Variants in RUNDC3B observed in about 807,000 individuals in gnomAD.
RUNDC3B encodes RUN domain-containing protein 3B.
In RUNDC3B, 33 loss-of-function variants were observed where a neutral mutation model predicts 58.4. The ratio of observed to expected loss-of-function variants is 0.56; its 90% CI spans 0.43 to 0.75. The LOEUF (loss-of-function observed/expected upper bound fraction) is 0.75. Ranked by LOEUF, RUNDC3B falls within the 30% of genes least tolerant of loss-of-function variation. The pLI, the probability that RUNDC3B is intolerant of heterozygous loss-of-function variation, is 0.00. For synonymous variants in RUNDC3B, 193 were observed against 195.2 expected (o/e 0.99, Z 0.10); for missense variants, 501 against 535.7 (o/e 0.94, Z 0.64).
chr7:87,805,337 C>A (rs1315190612), intron 8 of RUNDC3B, among the ~76,000 whole-genome samples: 1 of 152,174 alleles, frequency 6.6e-6, no homozygotes, highest in African/African-American at 2.4e-5. Flanking sequence ...TCTCCAGGAA[C>A]CTTTCCTCTT....
At chr7:87,750,407 C>A (rs1331948264) in intron 6 of RUNDC3B, among the ~76,000 whole-genome samples, 1 of 151,218 alleles carries the variant, frequency 6.6e-6, no homozygotes, top group African/African-American at 2.4e-5. Flanking sequence ...AATGGGATGG[C>A]TGGGTCAAAT....
chr7:87,628,917 G>C lies in RUNDC3B; in HGVS notation c.94G>C (p.Glu32Gln). ...CCTGAGCGCCCGCAATGCTGCGGTG[G>C]AGAGGAGGAACCTGATCACCGTGTG... The part of the protein sequence containing the change: ...KSLSARNAAV[E>Q]RRNLITVCRF... The change falls in exon 1 of 11, where the codon GAG becomes CAG. Residue 32 changes from glutamate to glutamine, a missense_variant. Transcript: ENST00000394654. 1 of 1,309,972 alleles carries C rather than the reference G, an allele frequency of 7.6e-7. No homozygotes were observed. The highest frequency in any genetic ancestry group is 3.3e-5 in the South Asian group (1 of 30,702). The allele number at this position is 1,309,972 out of a possible 1,614,324, so 81.1% of individuals were successfully genotyped here. A position where few individuals can be genotyped will look rare whatever the true frequency, so the allele number is the denominator to read the frequency against.
At chr7:87,774,025 A>G (rs531230148) in intron 7 of RUNDC3B, among the ~76,000 whole-genome samples, 6 of 152,234 alleles carry the variant, frequency 3.9e-5, no homozygotes, top group African/African-American at 1.4e-4. Flanking sequence ...GTCCACAAAT[A>G]CCAAAGAAAT....
chr7:87,779,359 A>G (rs891450015), intron 8 of RUNDC3B, among the ~76,000 whole-genome samples: 1 of 152,176 alleles, frequency 6.6e-6, no homozygotes, highest in Non-Finnish European at 1.5e-5. Context: ...AAAACTAGCT[A>G]GAATTCTTAT....
intron 2 of RUNDC3B, among the ~76,000 whole-genome samples, chr7:87,694,418 A>G (rs11983274): frequency 0.02 from 3,059 of 152,280 alleles, 112 homozygotes; most frequent in African/African-American, 0.07. Context: ...AGTTTCTGCT[A>G]TATGCAAAAC....
chr7:87,755,019 T>C (rs1833284921), intron 6 of RUNDC3B, among the ~76,000 whole-genome samples: 1 of 147,702 alleles, frequency 6.8e-6, no homozygotes, highest in Non-Finnish European at 1.5e-5. Flanking sequence ...GAATAGCTGA[T>C]ACAATTTCTT....
chr7:87,714,590 C>T (rs975290033), intron 4 of RUNDC3B, among the ~76,000 whole-genome samples: 2 of 152,048 alleles, frequency 1.3e-5, no homozygotes, highest in African/African-American at 4.8e-5. Flanking sequence ...TATTAATCAG[C>T]AGTAACAGTT....
rs1584313069 is a variant in RUNDC3B at position 87,830,397 on chromosome 7, T to G, written c.*367T>G. 1 of 142,636 alleles carries G rather than the reference T, an allele frequency of 7.0e-6. No homozygotes were observed. The highest frequency in any genetic ancestry group is 7.5e-5 in the Admixed American group (1 of 13,392). The allele number at this position is 142,636 out of a possible 1,614,324, so 8.8% of individuals were successfully genotyped here. ...GACTTCAAGGTTTTATTCCAGAGAC[T>G]CCAGAGACTTAAGCTAAGTATTTTT... On this transcript the variant is annotated 3_prime_UTR_variant, in exon 11 of 11. Transcript: ENST00000394654.
rs568441114 is a variant in RUNDC3B at position 87,709,175 on chromosome 7, T to C, written c.373-1395T>C. The C allele has an allele frequency of 2.5e-5, 21 of 841,898 alleles. No individual in the cohort carries two copies. In the African/African-American group the frequency reaches 3.3e-4, roughly 13 times the overall value. 52.2% of individuals were successfully genotyped at this position (841,898 alleles called of 1,614,324 possible). A position where few individuals can be genotyped will look rare whatever the true frequency, so the allele number is the denominator to read the frequency against. ...CAGGAAACTAAATGCAGCCCAGTTT[T>C]GTATGGATTGAAATTAATAAATCAG... On this transcript the variant is annotated intron_variant, in intron 3 of 10. Transcript: ENST00000394654.
intron 6 of RUNDC3B, among the ~76,000 whole-genome samples, chr7:87,751,919 G>T (rs1027035957): frequency 6.6e-6 from 1 of 152,156 alleles, no homozygotes; most frequent in Non-Finnish European, 1.5e-5. Context: ...ATGTTGAATA[G>T]GAGTGGTGAG....
intron 6 of RUNDC3B, among the ~76,000 whole-genome samples, chr7:87,747,761 G>C (rs1334462322): frequency 1.3e-5 from 2 of 152,044 alleles, no homozygotes; most frequent in Non-Finnish European, 2.9e-5. Context: ...TCAGGGAAGT[G>C]GGGGAAAGCA....
intron 10 of RUNDC3B, among the ~76,000 whole-genome samples, chr7:87,822,325 A>C (rs1205963064): frequency 6.6e-6 from 1 of 152,258 alleles, no homozygotes; most frequent in Non-Finnish European, 1.5e-5. Flanking sequence ...ATGCAAGTCA[A>C]AACCACAATG....
chr7:87,800,036 G>C (rs112897630), intron 8 of RUNDC3B, among the ~76,000 whole-genome samples: 1 of 152,034 alleles, frequency 6.6e-6, no homozygotes, highest in African/African-American at 2.4e-5. Context: ...ATAGCCCAAG[G>C]GCTTTAAATA....
intron 2 of RUNDC3B, 108 bp from the exon 3 acceptor site, chr7:87,700,313 A>G (rs904555706): frequency 1.1e-6 from 1 of 885,150 alleles, no homozygotes; most frequent in Non-Finnish European, 1.7e-6. Context: ...CCTTGCCATT[A>G]TAGTTCACTA....
intron 8 of RUNDC3B, among the ~76,000 whole-genome samples, chr7:87,796,656 T>C (rs557955960): frequency 6.6e-6 from 1 of 152,268 alleles, no homozygotes; most frequent in African/African-American, 2.4e-5. Context: ...AATTTTTCAA[T>C]GTGCTAAAAG....
At chr7:87,705,450 CA>C (rs572746543) in intron 3 of RUNDC3B, among the ~76,000 whole-genome samples, 25 of 150,674 alleles carry the variant, frequency 1.7e-4, no homozygotes, top group Non-Finnish European at 3.0e-4. Context: ...ACAACAACAA[CA>C]AAAAAAAACA....
intron 6 of RUNDC3B, among the ~76,000 whole-genome samples, chr7:87,758,862 C>G (rs1164160260): frequency 6.6e-6 from 1 of 152,018 alleles, no homozygotes; most frequent in Non-Finnish European, 1.5e-5. Context: ...AAAGGGGAAC[C>G]CTTTTACACT....
In RUNDC3B at chr7:87,679,389, G is replaced by A. The variant is rs545263154; in HGVS notation, c.239-21032G>A. On this transcript the variant is annotated intron_variant, in intron 2 of 10. Transcript: ENST00000394654. ...ATTACAAGTGTGAGCCACCGTGCCC[G>A]GCCCCCAACTTTTTTTTAAGACAGG... 1.0e-3 allele frequency among the ~76,000 whole-genome samples: 152 copies of A among 149,406 alleles called. 10 individuals are homozygous for A. The highest frequency in any genetic ancestry group is 3.1e-3 in the African/African-American group (125 of 40,120).
chr7:87,730,435 A>G, intron 4 of RUNDC3B, among the ~76,000 whole-genome samples: 1 of 151,946 alleles, frequency 6.6e-6, no homozygotes, highest in Admixed American at 6.6e-5. Flanking sequence ...TAATTGCCAC[A>G]GACCTGGGAT....
Sources: allele counts gnomAD v4.1 joint callset (sites outside exome capture counted in the v4.1 genomes callset), GRCh38; gene constraint gnomAD v4.1.1; transcripts MANE v1.5; gene names NCBI Gene and HGNC (gene_info 2026-07-23, HGNC 2026-07-21).